SH3RF2: variants seen among roughly 807,000 people sequenced by gnomAD.
SH3RF2 encodes the protein SH3 domain containing ring finger 2.
A neutral mutation model predicts 59.0 loss-of-function variants in SH3RF2; 43 were observed. The ratio of observed to expected loss-of-function variants is 0.73; its 90% CI spans 0.57 to 0.94. The LOEUF (loss-of-function observed/expected upper bound fraction) is 0.94. Ranked by LOEUF, SH3RF2 falls within the 40% of genes least tolerant of loss-of-function variation. The pLI is 0.00. For missense variants in SH3RF2, 930 were observed against 940.1 expected (o/e 0.99, Z 0.14); for synonymous variants, 391 against 391.5 (o/e 1.00, Z 0.01).
Position 146,062,417 on chromosome 5 carries a change from C to G in SH3RF2, c.1915-9C>G, listed in dbSNP as rs1762930746. The G allele has an allele frequency of 2.5e-6, 4 of 1,612,386 alleles. No homozygotes were observed. The highest frequency in any genetic ancestry group is 3.4e-6 in the Non-Finnish European group (4 of 1,178,832). On this transcript the variant is annotated splice_polypyrimidine_tract_variant and intron_variant, in intron 9 of 9. Coordinates refer to ENST00000359120, the MANE Select transcript of SH3RF2 (RefSeq NM_152550.4). The stretch of plus-strand genomic sequence containing the variant: ...CACCTGTGTCCATTTCCTCTCCTTT[C>G]TCTTGCAGCAAGTCAAAACCGTGAG...
At chr5:146,036,102 T>C (rs1042702688) in intron 5 of SH3RF2, among the ~76,000 whole-genome samples, 5 of 152,204 alleles carry the variant, frequency 3.3e-5, no homozygotes, top group African/African-American at 1.2e-4. Context: ...TCAAGTGGAC[T>C]GTTAGGATGA....
At chr5:146,047,723 G>A (rs753271882) in intron 5 of SH3RF2, 49 bp from the exon 6 acceptor site, 20 of 1,574,254 alleles carry the variant, frequency 1.3e-5, no homozygotes, top group Non-Finnish European at 1.7e-5. Context: ...TGTGGGCCTG[G>A]GTTGTGGCAT....
chr5:146,040,176 T>C (rs1332180410), intron 5 of SH3RF2, among the ~76,000 whole-genome samples: 1 of 152,248 alleles, frequency 6.6e-6, no homozygotes, highest in Non-Finnish European at 1.5e-5. Context: ...AGAGGGCTTC[T>C]AAGCACAATA....
Position 146,047,848 on chromosome 5 carries a change from A to G in SH3RF2, c.1136A>G (p.His379Arg). 6.2e-7 allele frequency: 1 copy of G among 1,613,910 alleles called. No homozygotes were observed. Among genetic ancestry groups the G allele is most frequent in the Non-Finnish European group, 8.5e-7 (1 of 1,179,992 alleles). ...GTCAGTCTGCCTGGCTCCCAGCAAC[A>G]CCTCTCAGCGAACATGTGAGTAAAA... ...AVVSLPGSQQ[H>R]LSANMFVALH... Residue 379 changes from histidine to arginine, a missense_variant, in exon 6 of 10, where the codon CAC (histidine) becomes CGC (arginine). Coordinates refer to ENST00000359120, the MANE Select transcript of SH3RF2 (RefSeq NM_152550.4).
Position 145,999,712 on chromosome 5 carries a change from G to A in SH3RF2, c.379-346G>A, listed in dbSNP as rs374267174. On this transcript the variant is annotated intron_variant, in intron 2 of 9. Coordinates refer to ENST00000359120, the MANE Select transcript of SH3RF2 (RefSeq NM_152550.4). ...ATTTATCGACGAAGTTTGCTGTCTT[G>A]TATGGGCAAAGTTTGTGGCGCCCCC... Among the ~76,000 whole-genome samples, 16 of 151,312 alleles carry A rather than the reference G, an allele frequency of 1.1e-4. No individual in the cohort carries two copies. The South Asian group carries it at 3.1e-3, about 30-fold the overall frequency.
At chr5:146,044,149 G>GTTTTTTTTT (rs796365278) in intron 5 of SH3RF2, among the ~76,000 whole-genome samples, 4 of 61,204 alleles carry the variant, frequency 6.5e-5, no homozygotes, top group Non-Finnish European at 1.2e-4. Context: ...GTTTTTTTTT[G>GTTTTTTTTT]TTTTTTTTTT....
chr5:146,065,711 T>C (rs1398316232), downstream of SH3RF2, among the ~76,000 whole-genome samples: 2 of 152,224 alleles, frequency 1.3e-5, no homozygotes, highest in African/African-American at 4.8e-5. Flanking sequence ...GAAAATCCCA[T>C]CTTTGTGGAG....
rs539824677 is a variant in SH3RF2 at position 146,013,098 on chromosome 5, C to T, written c.745-649C>T. 3.3e-5 allele frequency among the ~76,000 whole-genome samples: 5 copies of T among 152,230 alleles called. No homozygotes were observed. In the South Asian group the frequency reaches 1.0e-3, roughly 32 times the overall value. On this transcript the variant is annotated intron_variant, in intron 4 of 9. Transcript: ENST00000359120. ...AAAAGTCAGTCTTAGCATAAGGATT[C>T]AGGGTCCTGAATGCACTACATTCTG...
chr5:145,970,397 T>C (rs1580791260), intron 2 of SH3RF2, among the ~76,000 whole-genome samples: 1 of 152,206 alleles, frequency 6.6e-6, no homozygotes, highest in South Asian at 2.1e-4. Context: ...CCTGAGTTAC[T>C]TCACTTAGAA....
At chr5:146,047,436 T>C (rs1050070028) in intron 5 of SH3RF2, among the ~76,000 whole-genome samples, 1 of 152,088 alleles carries the variant, frequency 6.6e-6, no homozygotes, top group Non-Finnish European at 1.5e-5. Flanking sequence ...CAGGTTTTCA[T>C]AGAGGGAGAT....
At chr5:146,071,038 G>A (rs1290289803) in intron 9 of SH3RF2, among the ~76,000 whole-genome samples, 2 of 152,140 alleles carry the variant, frequency 1.3e-5, no homozygotes, top group Admixed American at 1.3e-4. Flanking sequence ...CACATGTCCT[G>A]GAGGCTAGCA....
intron 7 of SH3RF2, chr5:146,055,748 T>G (rs1013064602): frequency 7.0e-6 from 4 of 569,966 alleles, no homozygotes; most frequent in Non-Finnish European, 1.2e-5. Context: ...GGCCTTGATA[T>G]GAGCCCCCCT....
intron 5 of SH3RF2, among the ~76,000 whole-genome samples, chr5:146,040,915 A>G (rs1762101895): frequency 6.6e-6 from 1 of 152,132 alleles, no homozygotes; most frequent in African/African-American, 2.4e-5. Flanking sequence ...AGACAGCTTC[A>G]TATTCCACTT....
intron 4 of SH3RF2, among the ~76,000 whole-genome samples, chr5:146,011,575 C>A (rs560171022): frequency 9.9e-5 from 15 of 152,244 alleles, no homozygotes; most frequent in Non-Finnish European, 1.8e-4. Context: ...GTTTGTAGTT[C>A]TCCTTGAAGA....
intron 5 of SH3RF2, among the ~76,000 whole-genome samples, chr5:146,040,660 G>T (rs1762093980): frequency 6.6e-6 from 1 of 152,164 alleles, no homozygotes; most frequent in Admixed American, 6.5e-5. Flanking sequence ...GTATTTTTGA[G>T]ATGAACCTAA....
At position 146,063,021 on chromosome 5, in the gene SH3RF2, T is replaced by C; in HGVS notation, c.*320T>C. ...GCCTCTTGTCATCCCCGTGTTACTG[T>C]GTAGAATTTCTATGGTGTCCTAAAG... is the stretch of plus-strand genomic sequence containing the variant. On this transcript the variant is annotated 3_prime_UTR_variant, in exon 10 of 10. Coordinates refer to ENST00000359120, the MANE Select transcript of SH3RF2 (RefSeq NM_152550.4). The C allele has an allele frequency of 3.0e-6, 1 of 338,788 alleles. No homozygotes were observed. Among genetic ancestry groups the C allele is most frequent in the Non-Finnish European group, 5.4e-6 (1 of 184,386 alleles). The allele number at this position is 338,788 out of a possible 1,614,324, so 21.0% of individuals were successfully genotyped here. A position where few individuals can be genotyped will look rare whatever the true frequency, so the allele number is the denominator to read the frequency against.
intron 2 of SH3RF2, among the ~76,000 whole-genome samples, chr5:145,988,338 G>A (rs1422082974): frequency 2.0e-5 from 3 of 151,252 alleles, no homozygotes; most frequent in Non-Finnish European, 4.4e-5. Context: ...AGGCCTCCAG[G>A]TAGACAAAAT....
chr5:146,027,729 G>A (rs1761579824), intron 5 of SH3RF2, among the ~76,000 whole-genome samples: 1 of 152,152 alleles, frequency 6.6e-6, no homozygotes, highest in Non-Finnish European at 1.5e-5. Flanking sequence ...GCTGATAGCA[G>A]TCAGCCAGGT....
chr5:146,058,468 C>T (rs999006765), intron 8 of SH3RF2, among the ~76,000 whole-genome samples: 2 of 151,612 alleles, frequency 1.3e-5, no homozygotes, highest in African/African-American at 4.9e-5. Flanking sequence ...GACTGTCTTG[C>T]TTGCAGCAGC....
Sources: allele counts gnomAD v4.1 joint callset (sites outside exome capture counted in the v4.1 genomes callset), GRCh38; gene constraint gnomAD v4.1.1; transcripts MANE v1.5; gene names NCBI Gene and HGNC (gene_info 2026-07-23, HGNC 2026-07-21).